The following MKNK2 variants were observed in gnomAD, a reference collection of about 807,000 sequenced individuals.
MKNK2 encodes the protein MAPK interacting serine/threonine kinase 2.
In MKNK2, 54 loss-of-function variants were observed where a neutral mutation model predicts 55.0. The ratio of observed to expected loss-of-function variants is 0.98; its 90% CI spans 0.79 to 1.23. MKNK2 has a LOEUF of 1.23. MKNK2 is among the 50% of genes most tolerant of loss of function. MKNK2 has a pLI of 0.00. For missense variants in MKNK2, 685 were observed against 632.1 expected, an observed-to-expected ratio of 1.08 and a Z score of -0.90; for synonymous variants, 323 against 256.0, an observed-to-expected ratio of 1.26 and a Z score of -2.50.
chr19:2,046,460 C>T lies in MKNK2; in HGVS notation c.148G>A (p.Ala50Thr), dbSNP rs139681671. Residue 50 changes from alanine to threonine, a missense_variant, in exon 4 of 14, where the codon GCC (alanine) becomes ACC (threonine). Coordinates refer to ENST00000250896, the MANE Select transcript of MKNK2 (RefSeq NM_199054.3). ...LQCSARPDMPASQPIDIPDAK... is the reference protein window; with the variant it reads ...LQCSARPDMPTSQPIDIPDAK... ...TCCGGGATGTCAATGGGCTGGCTGG[C>T]GGGCATGTCTGTTCCAGGAGGCACG... 54 of 1,607,890 alleles carry T rather than the reference C, an allele frequency of 3.4e-5. No individual in the cohort carries two copies. Among genetic ancestry groups the T allele is most frequent in the African/African-American group, 1.2e-4 (9 of 75,010 alleles).
Position 2,039,668 on chromosome 19 carries a change from C to G in MKNK2, c.1343G>C (p.Arg448Pro), listed in dbSNP as rs754998668. ...GGCCGAGGACAGACTGGCCCTTTGC[C>G]GCCGCTGCGCCAGCTTGGACTGGGA... ...PPSQSKLAQRRQRASLSSAPV... is the reference protein window; with the variant it reads ...PPSQSKLAQRPQRASLSSAPV... Residue 448 changes from arginine to proline, a missense_variant, in exon 14 of 14, where the codon CGG becomes CCG. Transcript: ENST00000250896. 5.0e-6 allele frequency: 8 copies of G among 1,613,152 alleles called. No individual in the cohort carries two copies. Among genetic ancestry groups the G allele is most frequent in the Non-Finnish European group, 6.8e-6 (8 of 1,179,940 alleles).
At position 2,046,416 on chromosome 19, in the gene MKNK2, C is replaced by T. The variant is rs1197049725; in HGVS notation, c.192G>A (p.Lys64=). The T allele has an allele frequency of 6.2e-7, 1 of 1,609,368 alleles. No individual in the cohort carries two copies. The highest frequency in any genetic ancestry group is 1.3e-5 in the African/African-American group (1 of 74,924). ...IDIPDAKKRG[K]KKKRGRATDS... ...CGGTGGCCCGGCCGCGCTTCTTCTTCTTGCCCCTCTTCTTGGCGTCCGGGA... is the reference window on the plus strand; with the variant it reads ...CGGTGGCCCGGCCGCGCTTCTTCTTTTTGCCCCTCTTCTTGGCGTCCGGGA... Residue 64 remains lysine, a synonymous_variant, in exon 4 of 14, where the codon AAG becomes AAA. Coordinates refer to ENST00000250896, the MANE Select transcript of MKNK2 (RefSeq NM_199054.3).
Position 2,046,634 on chromosome 19 carries a change from C to A in MKNK2, c.109G>T (p.Asp37Tyr). 2 of 1,568,538 alleles carry A rather than the reference C, an allele frequency of 1.3e-6. No individual in the cohort carries two copies. Among genetic ancestry groups the A allele is most frequent in the Non-Finnish European group, 1.7e-6 (2 of 1,157,990 alleles). The change falls in exon 3 of 14, where the codon GAC becomes TAC. Residue 37 changes from aspartate (D) to tyrosine (Y), a missense_variant. Asp to Tyr is a radical substitution (Grantham distance 160). Coordinates refer to ENST00000250896, the MANE Select transcript of MKNK2 (RefSeq NM_199054.3). ...SLDQPDHGDSDFGLQCSARPD... is the reference protein window; with the variant it reads ...SLDQPDHGDSYFGLQCSARPD... ...CGGGCTGAGCACTGCAGGCCAAAGT[C>A]AGAGTCTCCGTGGTCGGGCTGGTCT...
intron 2 of MKNK2, among the ~76,000 whole-genome samples, chr19:2,048,355 G>T (rs192218043): frequency 6.6e-6 from 1 of 152,168 alleles, no homozygotes; most frequent in African/African-American, 2.4e-5. Flanking sequence ...ACATATGTAC[G>T]TTTCCACAGA....
chr19:2,044,134 C>T (rs898515634), intron 5 of MKNK2, among the ~76,000 whole-genome samples: 3 of 151,796 alleles, frequency 2.0e-5, no homozygotes, highest in African/African-American at 7.3e-5. Flanking sequence ...CTCCCTGACC[C>T]AGAGACAGTC....
chr19:2,041,123 C>A lies in MKNK2; in HGVS notation c.1027G>T (p.Asp343Tyr). ...DWAHISCAAK[D>Y]LISKLLVRDA... ...CGGACCAGCAGCTTGGAGATGAGGT[C>A]TTTGGCAGCGCAGGAGATGTGGGCC... The change falls in exon 12 of 14, where the codon GAC becomes TAC. Residue 343 changes from aspartate (D) to tyrosine (Y), a missense_variant. Asp to Tyr is a radical substitution (Grantham distance 160). Transcript: ENST00000250896. The A allele has an allele frequency of 6.2e-7, 1 of 1,614,080 alleles. No individual in the cohort carries two copies. Among genetic ancestry groups the A allele is most frequent in the Non-Finnish European group, 8.5e-7 (1 of 1,179,966 alleles).
intron 13 of MKNK2, 30 bp from the exon 14 acceptor site, chr19:2,039,886 C>T: frequency 6.4e-7 from 1 of 1,574,354 alleles, no homozygotes; most frequent in Non-Finnish European, 8.6e-7. Context: ...TAGGTGGTCA[C>T]CAAGAGGCAC....
chr19:2,038,069 T>TA lies in MKNK2; in HGVS notation c.*1543dup. On this transcript the variant is annotated 3_prime_UTR_variant, in exon 14 of 14. Transcript: ENST00000250896. ...GTCTTTGGAAGGGGCAGTCCACAGA[T>TA]ATGGGCAGTGGGGACCAGGGAAGGC... 1.7e-6 allele frequency: 2 copies of TA among 1,204,898 alleles called. No individual in the cohort carries two copies. Among genetic ancestry groups the TA allele is most frequent in the Non-Finnish European group, 2.1e-6 (2 of 959,902 alleles). The allele number at this position is 1,204,898 out of a possible 1,614,324, so 74.6% of individuals were successfully genotyped here. A position where few individuals can be genotyped will look rare whatever the true frequency, so the allele number is the denominator to read the frequency against.
At chr19:2,048,220 C>A (rs1481463808) in intron 2 of MKNK2, among the ~76,000 whole-genome samples, 2 of 152,094 alleles carry the variant, frequency 1.3e-5, no homozygotes, top group Non-Finnish European at 2.9e-5. Flanking sequence ...TTGCACTGGG[C>A]AGGCTGGGGC....
rs564345647 is a variant in MKNK2, at chr19:2,046,700, G to A, written c.52-9C>T. 5.0e-5 allele frequency: 75 copies of A among 1,501,032 alleles called. 1 individual carries two copies. The South Asian group carries it at 9.2e-4, about 18-fold the overall frequency. 93.0% of individuals were successfully genotyped at this position (1,501,032 alleles called of 1,614,324 possible). A position where few individuals can be genotyped will look rare whatever the true frequency, so the allele number is the denominator to read the frequency against. ...TCGAAGGGGTTCTGCCCCTGCAGGG[G>A]AGAGGAGAGGAGAGGCACTCAGGCC... On this transcript the variant is annotated splice_polypyrimidine_tract_variant and intron_variant, in intron 2 of 13. Transcript: ENST00000250896.
Position 2,039,190 on chromosome 19 carries a change from C to T in MKNK2, c.*423G>A. On this transcript the variant is annotated 3_prime_UTR_variant, in exon 14 of 14. Coordinates refer to ENST00000250896, the MANE Select transcript of MKNK2 (RefSeq NM_199054.3). ...TGGGAGGGAACACGAGGGCAGGGTC[C>T]TGTGCCCCTCCCCAGCTCTGCAAGA... is the stretch of plus-strand genomic sequence containing the variant. The T allele has an allele frequency of 2.0e-6, 2 of 1,020,338 alleles. No homozygotes were observed. The highest frequency in any genetic ancestry group is 2.3e-6 in the Non-Finnish European group (2 of 851,220). The allele number at this position is 1,020,338 out of a possible 1,614,324, so 63.2% of individuals were successfully genotyped here. A position where few individuals can be genotyped will look rare whatever the true frequency, so the allele number is the denominator to read the frequency against.
In MKNK2 at chr19:2,043,555, G is replaced by A. The variant is rs766786238; in HGVS notation, c.367C>T (p.Arg123Trp). ...TCCACCTCCCTGAAAACCCTGCTCC[G>A]AATGTGGCCTGGCTGCTTCTCAATG... is the stretch of plus-strand genomic sequence containing the variant. ...KIIEKQPGHI[R>W]SRVFREVEML... Residue 123 changes from arginine to tryptophan, a missense_variant, in exon 6 of 14, where the codon CGG becomes TGG. Transcript: ENST00000250896. 3.1e-6 allele frequency: 5 copies of A among 1,613,952 alleles called. No homozygotes were observed. Among genetic ancestry groups the A allele is most frequent in the African/African-American group, 1.3e-5 (1 of 74,904 alleles).
In MKNK2 at chr19:2,038,031, A is replaced by AC. The variant is rs998994019; in HGVS notation, c.*1581dup. 2.6e-3 allele frequency: 3,278 copies of AC among 1,283,480 alleles called. 6 individuals carry two copies. Among genetic ancestry groups the AC allele is most frequent in the Middle Eastern group, 0.011 (35 of 3,192 alleles). The allele number at this position is 1,283,480 out of a possible 1,614,324, so 79.5% of individuals were successfully genotyped here. On this transcript the variant is annotated 3_prime_UTR_variant, in exon 14 of 14. Coordinates refer to ENST00000250896, the MANE Select transcript of MKNK2 (RefSeq NM_199054.3). Reference sequence around the variant, plus strand: ...GGGAAAGGGGTGGGCGGAATGCCCCACCCCCCCCAGGGGTCTTTGGAAGGG... The same window carrying AC: ...GGGAAAGGGGTGGGCGGAATGCCCCACCCCCCCCCAGGGGTCTTTGGAAGGG...
chr19:2,041,357 G>A (rs1403063787), intron 11 of MKNK2, among the ~76,000 whole-genome samples, 153 bp from the exon 12 acceptor site: 1 of 152,070 alleles, frequency 6.6e-6, no homozygotes, highest in Non-Finnish European at 1.5e-5. Flanking sequence ...CGGACCAGGA[G>A]AGTCAGCTCC....
intron 2 of MKNK2, among the ~76,000 whole-genome samples, chr19:2,050,384 G>A (rs550374629): frequency 6.6e-6 from 1 of 152,290 alleles, no homozygotes; most frequent in East Asian, 1.9e-4. Context: ...CCGCTGACCC[G>A]TCCCCACCAG....
At chr19:2,049,699 A>G (rs186108914) in intron 2 of MKNK2, among the ~76,000 whole-genome samples, 254 of 152,246 alleles carry the variant, frequency 1.7e-3, no homozygotes, top group African/African-American at 5.9e-3. Flanking sequence ...CCTAGGAGGG[A>G]GAAGACCACT....
intron 10 of MKNK2, 181 bp downstream of exon 10, chr19:2,042,246 C>T (rs1379728721): frequency 1.4e-6 from 1 of 730,962 alleles, no homozygotes; most frequent in Non-Finnish European, 2.2e-6. Flanking sequence ...CGGCCAAACA[C>T]CGACGCGTTG....
rs778327671 is a variant in MKNK2 at position 2,046,242 on chromosome 19, G to A, written c.283C>T (p.His95Tyr). 5 of 1,606,720 alleles carry A rather than the reference G, an allele frequency of 3.1e-6. No homozygotes were observed. In the Admixed American group the frequency reaches 5.0e-5, roughly 16 times the overall value. Residue 95 changes from histidine to tyrosine, a missense_variant, in exon 5 of 14, where the codon CAT becomes TAT. Transcript: ENST00000250896. ...LQEDVLGEGA[H>Y]ARVQTCINLI... ...TTGATGCAGGTCTGCACTCGGGCAT[G>A]AGCGCCCTCCCCCAGCACATCTTCC...
At chr19:2,047,974 G>A (rs145590426) in intron 2 of MKNK2, among the ~76,000 whole-genome samples, 205 of 152,112 alleles carry the variant, frequency 1.3e-3, no homozygotes, top group African/African-American at 4.2e-3. Context: ...TCTGCTTCCA[G>A]CCCCCCAACC....
Sources: gnomAD v4.1 joint callset for allele counts (sites outside exome capture counted in the v4.1 genomes callset) on GRCh38, gnomAD v4.1.1 for gene constraint, MANE v1.5 for transcripts, NCBI Gene and HGNC (gene_info 2026-07-23, HGNC 2026-07-21) for gene names.